Variants in CCSER1 observed in about 807,000 individuals in gnomAD.
CCSER1 encodes the protein serine-rich coiled-coil domain-containing protein 1.
In CCSER1, 41 loss-of-function variants were observed where a neutral mutation model predicts 82.0. The observed-to-expected ratio is 0.50, with a 90% CI of 0.39 to 0.65. The LOEUF (loss-of-function observed/expected upper bound fraction) is 0.65, where lower values mean the gene tolerates loss of function less well. Among genes scored for constraint, CCSER1 ranks in the 30% least tolerant of loss-of-function variants. CCSER1 has a pLI of 0.00. For synonymous variants in CCSER1, 414 were observed against 383.9 expected (o/e 1.08, Z -0.92); for missense variants, 1,119 against 1,064.2 (o/e 1.05, Z -0.72).
intron 5 of CCSER1, among the ~76,000 whole-genome samples, chr4:90,572,757 A>G (rs1780274392): frequency 6.6e-6 from 1 of 151,828 alleles, no homozygotes; most frequent in African/African-American, 2.4e-5. Flanking sequence ...GTTTCTCTGG[A>G]TCCTCTTGAA....
At chr4:91,226,743 G>A (rs887634611) in intron 10 of CCSER1, among the ~76,000 whole-genome samples, 2 of 151,718 alleles carry the variant, frequency 1.3e-5, no homozygotes, top group African/African-American at 4.8e-5. Flanking sequence ...TGGGGTTGTT[G>A]GATAAACTTG....
At chr4:91,443,074 A>C (rs1755298865) in intron 10 of CCSER1, among the ~76,000 whole-genome samples, 1 of 152,030 alleles carries the variant, frequency 6.6e-6, no homozygotes, top group East Asian at 1.9e-4. Context: ...GTGATTCCTC[A>C]GGGATCTAGA....
intron 10 of CCSER1, among the ~76,000 whole-genome samples, chr4:91,155,584 C>T (rs568204727): frequency 6.6e-6 from 1 of 151,974 alleles, no homozygotes; most frequent in African/African-American, 2.4e-5. Context: ...GTCAACTTTC[C>T]ATATCATTTT....
At chr4:90,550,911 A>C (rs953435339) in intron 5 of CCSER1, among the ~76,000 whole-genome samples, 1 of 152,154 alleles carries the variant, frequency 6.6e-6, no homozygotes, top group African/African-American at 2.4e-5. Context: ...TGCAAATATT[A>C]TCTGAATATG....
intron 10 of CCSER1, among the ~76,000 whole-genome samples, chr4:91,097,787 T>A (rs577865019): frequency 6.6e-6 from 1 of 152,280 alleles, no homozygotes; most frequent in East Asian, 1.9e-4. Context: ...GATAGATTCT[T>A]ATAGACACTT....
chr4:90,313,444 G>T (rs1735654864), intron 3 of CCSER1, among the ~76,000 whole-genome samples: 1 of 152,102 alleles, frequency 6.6e-6, no homozygotes, highest in Non-Finnish European at 1.5e-5. Flanking sequence ...ACCACTCTTA[G>T]TCCCTGTAGA....
intron 10 of CCSER1, among the ~76,000 whole-genome samples, chr4:91,140,820 T>G (rs1728953344): frequency 6.6e-6 from 1 of 152,122 alleles, no homozygotes; most frequent in Non-Finnish European, 1.5e-5. Context: ...AATTTCAACT[T>G]TATTTTGGCT....
At chr4:90,390,287 C>A (rs1283714919) in intron 3 of CCSER1, among the ~76,000 whole-genome samples, 1 of 152,056 alleles carries the variant, frequency 6.6e-6, no homozygotes, top group Admixed American at 6.5e-5. Flanking sequence ...TTTTTCATTT[C>A]TTAATTTCAA....
chr4:90,849,264 C>A (rs571123716), intron 8 of CCSER1, among the ~76,000 whole-genome samples: 1 of 152,156 alleles, frequency 6.6e-6, no homozygotes, highest in South Asian at 2.1e-4. Flanking sequence ...GAAGTCTGGG[C>A]CGAGGTGGTC....
At chr4:91,374,570 A>G (rs1042347407) in intron 10 of CCSER1, among the ~76,000 whole-genome samples, 1 of 152,232 alleles carries the variant, frequency 6.6e-6, no homozygotes, top group East Asian at 1.9e-4. Context: ...CTCATTGACA[A>G]TGTACCTAGT....
chr4:90,847,944 A>C (rs924894392), intron 8 of CCSER1, among the ~76,000 whole-genome samples: 5 of 152,182 alleles, frequency 3.3e-5, no homozygotes, highest in African/African-American at 1.2e-4. Flanking sequence ...GTAAGCATAC[A>C]TATCCTAACA....
At chr4:90,562,318 A>G (rs1778868481) in intron 5 of CCSER1, among the ~76,000 whole-genome samples, 2 of 152,090 alleles carry the variant, frequency 1.3e-5, no homozygotes, top group Admixed American at 1.3e-4. Context: ...ACTCTGACAC[A>G]TTCTATATTT....
chr4:91,165,210 C>G (rs1731902916), intron 10 of CCSER1, among the ~76,000 whole-genome samples: 1 of 152,140 alleles, frequency 6.6e-6, no homozygotes, highest in Non-Finnish European at 1.5e-5. Flanking sequence ...AGGTCTGTTG[C>G]AGTTTGCTGG....
chr4:90,537,387 G>A (rs1002959752), intron 5 of CCSER1, among the ~76,000 whole-genome samples: 1 of 151,818 alleles, frequency 6.6e-6, no homozygotes, highest in Admixed American at 6.6e-5. Context: ...TTTCATTCGA[G>A]TTTTTTCTCA....
chr4:90,289,159 A>G (rs924942498), intron 1 of CCSER1, among the ~76,000 whole-genome samples: 12 of 151,906 alleles, frequency 7.9e-5, no homozygotes, highest in Non-Finnish European at 1.0e-4. Flanking sequence ...GACAAAGAGG[A>G]TTGCTTTGCC....
chr4:91,591,797 G>A (rs1306408155), intron 10 of CCSER1, among the ~76,000 whole-genome samples: 1 of 152,094 alleles, frequency 6.6e-6, no homozygotes, highest in Non-Finnish European at 1.5e-5. Flanking sequence ...ATGGGGCCGG[G>A]CAGCAGTTAA....
chr4:90,849,317 C>T (rs1763568425), intron 8 of CCSER1, among the ~76,000 whole-genome samples: 1 of 152,186 alleles, frequency 6.6e-6, no homozygotes, highest in Non-Finnish European at 1.5e-5. Context: ...AAGTAAAGAT[C>T]ACTCTTGCTG....
intron 10 of CCSER1, among the ~76,000 whole-genome samples, chr4:91,496,678 T>TATATATA (rs11419297): frequency 4.6e-5 from 1 of 21,512 alleles, no homozygotes; most frequent in African/African-American, 1.1e-4. Context: ...ATTCAATATA[T>TATATATA]TTGAATATAT....
chr4:90,880,342 A>G (rs1196349214), intron 8 of CCSER1, among the ~76,000 whole-genome samples: 1 of 152,072 alleles, frequency 6.6e-6, no homozygotes, highest in Non-Finnish European at 1.5e-5. Flanking sequence ...ACGGGTCAGT[A>G]ATCACTCAGT....
Sources: gnomAD v4.1 joint callset for allele counts (sites outside exome capture counted in the v4.1 genomes callset) on GRCh38, gnomAD v4.1.1 for gene constraint, MANE v1.5 for transcripts, NCBI Gene and HGNC (gene_info 2026-07-23, HGNC 2026-07-21) for gene names.